The following AZI2 variants were observed in gnomAD, a reference collection of about 807,000 sequenced individuals.
AZI2 encodes 5-azacytidine-induced protein 2.
Under a neutral mutation model 45.8 loss-of-function variants are expected in AZI2, and 22 were observed. The observed-to-expected ratio is 0.48, with a 90% confidence interval of 0.34 to 0.69. The LOEUF is 0.69. Among genes scored for constraint, AZI2 ranks in the 30% least tolerant of loss-of-function variants. AZI2 has a pLI of 0.01. For missense variants in AZI2, 417 were observed against 441.5 expected, an observed-to-expected ratio of 0.94 and a Z score of 0.50; for synonymous variants, 137 against 156.7, an observed-to-expected ratio of 0.87 and a Z score of 0.94.
In AZI2 at chr3:28,338,895, G is replaced by A. The variant is rs181374924; in HGVS notation, c.217-280C>T. Among the ~76,000 whole-genome samples, 19 of 152,060 alleles carry A rather than the reference G, an allele frequency of 1.2e-4. No homozygotes were observed. The East Asian group carries it at 3.5e-3, about 28-fold the overall frequency. ...ATCATCATAATCACAACAGAGTATA[G>A]ATGTGATACACACTGCTTAGATGTT... On this transcript the variant is annotated intron_variant, in intron 2 of 7. Transcript: ENST00000479665.
intron 5 of AZI2, 29 bp from the exon 6 acceptor site, chr3:28,332,456 A>C: frequency 1.9e-6 from 3 of 1,579,784 alleles, no homozygotes; most frequent in Non-Finnish European, 2.6e-6. Context: ...AAAGAAGTTT[A>C]AAAGTTGTAA....
At chr3:28,327,498 A>G (rs1223509431) in intron 6 of AZI2, among the ~76,000 whole-genome samples, 1 of 151,034 alleles carries the variant, frequency 6.6e-6, no homozygotes, top group East Asian at 1.9e-4. Flanking sequence ...TGTTGGTTCT[A>G]AACCAATGTG....
rs747560229 is a variant in AZI2 at position 28,324,003 on chromosome 3, A to G, written c.*39T>C. The G allele has an allele frequency of 3.0e-5, 47 of 1,544,012 alleles. No individual in the cohort carries two copies. The highest frequency in any genetic ancestry group is 1.8e-4 in the Middle Eastern group (1 of 5,574). ...TTTCTTGGGAGGACCACTGAAAGAG[A>G]TAAGTGTCCTCATGGTGAAATCGTG... On this transcript the variant is annotated 3_prime_UTR_variant, in exon 8 of 8. Coordinates refer to ENST00000479665, the MANE Select transcript of AZI2 (RefSeq NM_022461.5).
intron 1 of AZI2, among the ~76,000 whole-genome samples, chr3:28,342,881 T>C (rs1476917909): frequency 6.6e-6 from 1 of 151,922 alleles, no homozygotes; most frequent in Non-Finnish European, 1.5e-5. Flanking sequence ...CTCAACCCAA[T>C]GGGCAGGATT....
chr3:28,346,624 C>T (rs1019361334), intron 1 of AZI2, among the ~76,000 whole-genome samples: 3 of 152,016 alleles, frequency 2.0e-5, no homozygotes, highest in Non-Finnish European at 4.4e-5. Context: ...TGAAGTAAAT[C>T]ATATTTAGAA....
At chr3:28,345,261 A>G (rs972039392) in intron 1 of AZI2, among the ~76,000 whole-genome samples, 1 of 152,204 alleles carries the variant, frequency 6.6e-6, no homozygotes, top group African/African-American at 2.4e-5. Context: ...TTACCACGTA[A>G]TTTACAGAAT....
At position 28,340,447 on chromosome 3, in the gene AZI2, T is replaced by TC; in HGVS notation, c.170_171insG (p.Glu58ArgfsTer21). The TC allele has an allele frequency of 6.2e-7, 1 of 1,611,918 alleles. No individual in the cohort carries two copies. On this transcript the variant is annotated frameshift_variant, in exon 2 of 8. Coordinates refer to ENST00000479665, the MANE Select transcript of AZI2 (RefSeq NM_022461.5). LOFTEE classifies it high-confidence loss of function. ...TTCTCTTCTTTAACAAAGAGTTCTC[T>TC]TTCTCTGAATCCTTAAGTCGTTTTT...
At chr3:28,348,039 T>C (rs1704328636) in intron 1 of AZI2, 1 of 152,254 alleles carries the variant, frequency 6.6e-6, no homozygotes, top group South Asian at 2.1e-4. Flanking sequence ...TTTCGAGTAT[T>C]GGGGTTTCTT....
At chr3:28,339,304 A>G (rs1703920160) in intron 2 of AZI2, among the ~76,000 whole-genome samples, 1 of 152,122 alleles carries the variant, frequency 6.6e-6, no homozygotes, top group African/African-American at 2.4e-5. Context: ...TTTAAGAAAT[A>G]GATGTGTGTG....
intron 6 of AZI2, 67 bp from the exon 7 acceptor site, chr3:28,327,017 T>A: frequency 9.1e-7 from 1 of 1,098,586 alleles, no homozygotes; most frequent in Non-Finnish European, 1.3e-6. Context: ...GGAATAACTT[T>A]AGAAATATGC....
intron 7 of AZI2, among the ~76,000 whole-genome samples, chr3:28,325,738 A>G (rs1703363516): frequency 6.6e-6 from 1 of 151,108 alleles, no homozygotes; most frequent in Non-Finnish European, 1.5e-5. Flanking sequence ...TTACTCTGTG[A>G]GTCCCTTTAT....
rs761348268 is a variant in AZI2 at position 28,338,583 on chromosome 3, G to A, written c.249C>T (p.Ser83=). 18 of 1,609,654 alleles carry A rather than the reference G, an allele frequency of 1.1e-5. No homozygotes were observed. The highest frequency in any genetic ancestry group is 8.0e-5 in the African/African-American group (6 of 74,800). ...CCTTATTTACTTGTTCTCGTCCCAC[G>A]GAACTTGTTTCTTCTTCAAATCGAG... ...LIARFEEETS[S]VGREQVNKAY... is the part of the protein sequence containing the mutation. The change falls in exon 3 of 8, where the codon TCC becomes TCT. Residue 83 remains serine (S), a synonymous_variant. Transcript: ENST00000479665.
Position 28,337,920 on chromosome 3 carries a change from A to T in AZI2, c.439+17T>A. 1 of 1,433,234 alleles carries T rather than the reference A, an allele frequency of 7.0e-7. No homozygotes were observed. The highest frequency in any genetic ancestry group is 2.4e-5 in the East Asian group (1 of 42,098). The allele number at this position is 1,433,234 out of a possible 1,614,324, so 88.8% of individuals were successfully genotyped here. A position where few individuals can be genotyped will look rare whatever the true frequency, so the allele number is the denominator to read the frequency against. ...TGTTAATTCTGTTAGAATATTTATA[A>T]CAAGTAACTGGCATACCCTGCTGAG... On this transcript the variant is annotated intron_variant, in intron 4 of 7. Transcript: ENST00000479665.
Position 28,340,490 on chromosome 3 carries a change from G to A in AZI2, c.128C>T (p.Thr43Ile), listed in dbSNP as rs1325700221. The A allele has an allele frequency of 6.2e-7, 1 of 1,612,978 alleles. No homozygotes were observed. The highest frequency in any genetic ancestry group is 8.5e-7 in the Non-Finnish European group (1 of 1,179,334). Residue 43 changes from threonine to isoleucine, a missense_variant, in exon 2 of 8, where the codon ACT becomes ATT. Transcript: ENST00000479665. ...ESVASHFALV[T>I]AYEDIKKRLK... The stretch of plus-strand genomic sequence containing the variant: ...TCGTTTTTTGATGTCTTCATATGCA[G>A]TGACAAGAGCAAAATGGGAAGCAAC...
At chr3:28,331,732 G>C in intron 6 of AZI2, 4 of 1,400,876 alleles carry the variant, frequency 2.9e-6, no homozygotes, top group Non-Finnish European at 3.7e-6. Flanking sequence ...ACAATGTAGA[G>C]AGGCTATCTT....
chr3:28,346,037 T>C (rs938117724), intron 1 of AZI2, among the ~76,000 whole-genome samples: 1 of 152,098 alleles, frequency 6.6e-6, no homozygotes, highest in Non-Finnish European at 1.5e-5. Flanking sequence ...ACCTTACCTA[T>C]AGCTACACAG....
chr3:28,341,584 G>A (rs918487346), intron 1 of AZI2: 6 of 152,060 alleles, frequency 3.9e-5, no homozygotes, highest in African/African-American at 1.2e-4. Context: ...TTACTTCTCT[G>A]AGAGTTAGGT....
intron 6 of AZI2, among the ~76,000 whole-genome samples, chr3:28,328,403 A>G (rs890722964): frequency 2.0e-5 from 3 of 151,182 alleles, no homozygotes; most frequent in African/African-American, 7.3e-5. Context: ...GTGCTAATTC[A>G]TTCATTCAGT....
At chr3:28,324,606 A>G in intron 7 of AZI2, 152 bp from the exon 8 acceptor site, 1 of 586,240 alleles carries the variant, frequency 1.7e-6, no homozygotes, top group Non-Finnish European at 2.6e-6. Context: ...TAGGAGATAA[A>G]TGACAGATGA....
Sources: allele counts gnomAD v4.1 joint callset (sites outside exome capture counted in the v4.1 genomes callset), GRCh38; gene constraint gnomAD v4.1.1; transcripts MANE v1.5; gene names NCBI Gene and HGNC (gene_info 2026-07-23, HGNC 2026-07-21).